RPAP3: variants seen among roughly 807,000 people sequenced by gnomAD.
RPAP3 encodes RNA polymerase II associated protein 3, also known as RNA polymerase II-associated protein 3.
In RPAP3, 58 loss-of-function variants were observed where a neutral mutation model predicts 88.8. The observed-to-expected ratio is 0.65, with a 90% CI of 0.53 to 0.81. RPAP3 has a LOEUF of 0.81. Ranked by LOEUF, RPAP3 falls within the 40% of genes least tolerant of loss-of-function variation. The probability of loss-of-function intolerance (pLI) is 0.00; values close to 1 mark genes in which losing one functional copy is unlikely to be tolerated. For synonymous variants in RPAP3, 255 were observed against 259.9 expected (o/e 0.98, Z 0.18); for missense variants, 751 against 764.3 (o/e 0.98, Z 0.20).
intron 12 of RPAP3, among the ~76,000 whole-genome samples, chr12:47,674,084 T>TAAAAAAA (rs34101861): frequency 1.6e-5 from 2 of 123,338 alleles, no homozygotes; most frequent in Non-Finnish European, 3.3e-5. Flanking sequence ...TTAAAGATTC[T>TAAAAAAA]AAAAAAAAAA....
chr12:47,689,502 C>G (rs997271831), intron 6 of RPAP3, among the ~76,000 whole-genome samples: 7 of 152,132 alleles, frequency 4.6e-5, no homozygotes, highest in Admixed American at 6.5e-5. Context: ...ACAAGTTCAG[C>G]TAATTTTTGT....
intron 15 of RPAP3, 34 bp from the exon 16 acceptor site, chr12:47,667,114 G>A: frequency 1.1e-6 from 1 of 950,796 alleles, no homozygotes; most frequent in Non-Finnish European, 1.5e-6. Context: ...CAAATGATCA[G>A]TTAAAAGCAG....
chr12:47,688,988 A>C, intron 7 of RPAP3, 137 bp downstream of exon 7: 1 of 539,140 alleles, frequency 1.9e-6, no homozygotes, highest in South Asian at 2.4e-5. Context: ...AAATTCATTT[A>C]GTAAAACTCT....
chr12:47,702,991 A>T (rs1051716492), intron 1 of RPAP3, 145 bp from the exon 2 acceptor site: 1 of 429,588 alleles, frequency 2.3e-6, no homozygotes, highest in African/African-American at 2.0e-5. Flanking sequence ...AATAAAGAAA[A>T]ATCAATATAA....
At chr12:47,685,995 T>C (rs150834176) in intron 9 of RPAP3, among the ~76,000 whole-genome samples, 181 of 152,356 alleles carry the variant, frequency 1.2e-3, no homozygotes, top group African/African-American at 4.1e-3. Context: ...TTGGTTTCCT[T>C]TGTAATCCTA....
At chr12:47,691,922 T>G (rs898192957) in intron 5 of RPAP3, among the ~76,000 whole-genome samples, 2 of 152,078 alleles carry the variant, frequency 1.3e-5, no homozygotes, top group Non-Finnish European at 2.9e-5. Flanking sequence ...ATTTTTTGTA[T>G]TTTTAGTAGA....
intron 5 of RPAP3, among the ~76,000 whole-genome samples, chr12:47,694,905 T>C (rs1321380760): frequency 6.6e-6 from 1 of 152,190 alleles, no homozygotes; most frequent in Non-Finnish European, 1.5e-5. Flanking sequence ...TAGGTATTAT[T>C]ATACACTGCT....
chr12:47,679,288 C>A (rs1175053370), intron 12 of RPAP3, among the ~76,000 whole-genome samples: 1 of 152,034 alleles, frequency 6.6e-6, no homozygotes, highest in Non-Finnish European at 1.5e-5. Flanking sequence ...AGGAGAAATA[C>A]CTAATGTAAA....
At chr12:47,703,530 G>A (rs998993941) in intron 1 of RPAP3, among the ~76,000 whole-genome samples, 1 of 152,168 alleles carries the variant, frequency 6.6e-6, no homozygotes, top group Non-Finnish European at 1.5e-5. Context: ...TGAGAACCCT[G>A]CGTCAGAGGT....
At chr12:47,667,710 A>T (rs1432059104) in intron 15 of RPAP3, 44 bp downstream of exon 15, 2 of 1,101,086 alleles carry the variant, frequency 1.8e-6, no homozygotes, top group Non-Finnish European at 2.7e-6. Context: ...TATCAATAAC[A>T]TTAAGTGAGG....
At chr12:47,678,875 T>C (rs537334479) in intron 12 of RPAP3, among the ~76,000 whole-genome samples, 7 of 152,322 alleles carry the variant, frequency 4.6e-5, no homozygotes, top group African/African-American at 1.4e-4. Flanking sequence ...GAATTACCAT[T>C]TGACCCAGCA....
At chr12:47,690,422 C>A in intron 6 of RPAP3, 96 bp downstream of exon 6, 1 of 1,015,084 alleles carries the variant, frequency 9.9e-7, no homozygotes, top group Non-Finnish European at 1.3e-6. Flanking sequence ...ACAGAAAGCT[C>A]TCTGAAGGTA....
chr12:47,683,182 C>T (rs1939258671), intron 9 of RPAP3, among the ~76,000 whole-genome samples: 1 of 152,222 alleles, frequency 6.6e-6, no homozygotes, highest in African/African-American at 2.4e-5. Context: ...ATTCCCCTGC[C>T]TGGACTCAGT....
At chr12:47,676,969 T>C (rs1175166147) in intron 12 of RPAP3, among the ~76,000 whole-genome samples, 1 of 152,226 alleles carries the variant, frequency 6.6e-6, no homozygotes, top group Non-Finnish European at 1.5e-5. Flanking sequence ...ATATCCCTGA[T>C]GAACATCAAT....
At chr12:47,697,878 A>G (rs960385873) in intron 3 of RPAP3, among the ~76,000 whole-genome samples, 159 bp from the exon 4 acceptor site, 1 of 152,216 alleles carries the variant, frequency 6.6e-6, no homozygotes, top group Admixed American at 6.5e-5. Flanking sequence ...TGTTAAGATT[A>G]TATCCAGAGA....
chr12:47,681,455 G>T (rs1230071566), intron 10 of RPAP3, among the ~76,000 whole-genome samples: 1 of 151,984 alleles, frequency 6.6e-6, no homozygotes, highest in African/African-American at 2.4e-5. Flanking sequence ...CATTAATATT[G>T]ACTGGCAATT....
At chr12:47,699,651 G>C (rs569829989) in intron 3 of RPAP3, 6 of 152,296 alleles carry the variant, frequency 3.9e-5, no homozygotes, top group African/African-American at 1.4e-4. Context: ...CCTCTAGGGT[G>C]CTTATATCCA....
In RPAP3 at chr12:47,670,146, A is replaced by G. The variant is rs778292657; in HGVS notation, c.1487T>C (p.Val496Ala). The change falls in exon 13 of 17, where the codon GTA becomes GCA. Residue 496 changes from valine (V) to alanine (A), a missense_variant. Val to Ala is a moderately conservative substitution (Grantham distance 64). Transcript: ENST00000005386. ...FPTSDTPRAK[V>A]LKIEEVSDTS... is the part of the protein sequence containing the mutation. ...ATCACTGACTTCTTCTATTTTCAAT[A>G]CTTTTGCTCTTGGAGTATCACTTGT... 21 of 1,612,760 alleles carry G rather than the reference A, an allele frequency of 1.3e-5. No homozygotes were observed. The South Asian group carries it at 2.3e-4, about 18-fold the overall frequency.
intron 1 of RPAP3, among the ~76,000 whole-genome samples, chr12:47,704,416 T>A (rs1939729545): frequency 6.6e-6 from 1 of 152,122 alleles, no homozygotes; most frequent in Non-Finnish European, 1.5e-5. Flanking sequence ...TCGCCCAGGC[T>A]GGAGTGCAGT....
Sources: allele counts gnomAD v4.1 joint callset (sites outside exome capture counted in the v4.1 genomes callset), GRCh38; gene constraint gnomAD v4.1.1; transcripts MANE v1.5; gene names NCBI Gene and HGNC (gene_info 2026-07-23, HGNC 2026-07-21).